SWAP70: variants seen among roughly 807,000 people sequenced by gnomAD.
The protein encoded by SWAP70 is switching B cell complex subunit SWAP70.
SWAP70 carries 34 observed loss-of-function variants against 80.2 expected under a neutral mutation model. The ratio of observed to expected loss-of-function variants is 0.42; its 90% CI spans 0.32 to 0.56. SWAP70 has a LOEUF of 0.56. Ranked by LOEUF, SWAP70 falls within the 20% of genes least tolerant of loss-of-function variation. The probability of loss-of-function intolerance (pLI) is 0.09; values close to 1 mark genes in which losing one functional copy is unlikely to be tolerated. For missense variants in SWAP70, 578 were observed against 690.7 expected (o/e 0.84, Z 1.83); for synonymous variants, 239 against 238.5 (o/e 1.00, Z -0.02).
chr11:9,740,163 A>T lies in SWAP70; in HGVS notation c.1189-18A>T, dbSNP rs1344872157. ...AGAAGTCAACCTGCATTTAAACAAGACCCTTTTATACCAACAGATCAGACA... is the reference window on the plus strand; with the variant it reads ...AGAAGTCAACCTGCATTTAAACAAGTCCCTTTTATACCAACAGATCAGACA... On this transcript the variant is annotated intron_variant, in intron 8 of 11. Coordinates refer to ENST00000318950, the MANE Select transcript of SWAP70 (RefSeq NM_015055.4). 1 of 1,608,482 alleles carries T rather than the reference A, an allele frequency of 6.2e-7. No individual in the cohort carries two copies. The highest frequency in any genetic ancestry group is 1.7e-5 in the Admixed American group (1 of 59,220).
chr11:9,724,599 CA>C, intron 3 of SWAP70, 58 bp from the exon 4 acceptor site: 1 of 1,286,734 alleles, frequency 7.8e-7, no homozygotes, highest in Non-Finnish European at 1.1e-6. Context: ...AACATAAATA[CA>C]TAACTATGTT....
rs1851565514 is a variant in SWAP70 at position 9,750,043 on chromosome 11, A to G, written c.*73A>G. Reference sequence around the variant, plus strand: ...GAGAGCTTTACGCTAAAGACAAAAGAAACAGCTTTGGGGGCCGGGCGTGGT... The same window carrying G: ...GAGAGCTTTACGCTAAAGACAAAAGGAACAGCTTTGGGGGCCGGGCGTGGT... On this transcript the variant is annotated 3_prime_UTR_variant, in exon 12 of 12. Transcript: ENST00000318950. 2 of 1,147,290 alleles carry G rather than the reference A, an allele frequency of 1.7e-6. No individual in the cohort carries two copies. The highest frequency in any genetic ancestry group is 2.6e-6 in the Non-Finnish European group (2 of 774,754). 71.1% of individuals were successfully genotyped at this position (1,147,290 alleles called of 1,614,324 possible). A position where few individuals can be genotyped will look rare whatever the true frequency, so the allele number is the denominator to read the frequency against.
chr11:9,704,183 C>CTA (rs1850869800), intron 2 of SWAP70, among the ~76,000 whole-genome samples: 1 of 152,020 alleles, frequency 6.6e-6, no homozygotes, highest in Non-Finnish European at 1.5e-5. Context: ...TGTTTACTGT[C>CTA]TATATAGAGA....
chr11:9,683,570 G>C (rs1040205700), intron 1 of SWAP70, among the ~76,000 whole-genome samples: 4 of 152,202 alleles, frequency 2.6e-5, no homozygotes, highest in Non-Finnish European at 5.9e-5. Flanking sequence ...GGTTCTCCAG[G>C]AAGCCAATGT....
At position 9,671,048 on chromosome 11, in the gene SWAP70, C is replaced by T. The variant is rs138343450; in HGVS notation, c.99+6770C>T. ...GAGTACAGGCGTGAGCCACCATGCC[C>T]GGCCTATTATTGTTTTTTATATATA... On this transcript the variant is annotated intron_variant, in intron 1 of 11. Transcript: ENST00000318950. Among the ~76,000 whole-genome samples the T allele has an allele frequency of 5.9e-3, 844 of 144,016 alleles. 11 individuals carry two copies. The highest frequency in any genetic ancestry group is 0.02 in the African/African-American group (778 of 39,112). The allele number at this position is 144,016 out of a possible 152,430, so 94.5% of individuals were successfully genotyped here. A position where few individuals can be genotyped will look rare whatever the true frequency, so the allele number is the denominator to read the frequency against.
At chr11:9,723,922 G>T (rs1219375861) in intron 3 of SWAP70, among the ~76,000 whole-genome samples, 1 of 152,014 alleles carries the variant, frequency 6.6e-6, no homozygotes, top group South Asian at 2.1e-4. Context: ...ACAGGTGTGC[G>T]CCACATGCCT....
chr11:9,675,826 G>A (rs569814047), intron 1 of SWAP70, among the ~76,000 whole-genome samples: 1 of 152,158 alleles, frequency 6.6e-6, no homozygotes, highest in East Asian at 1.9e-4. Flanking sequence ...AACTTGACTG[G>A]CTCCCCACCT....
intron 4 of SWAP70, among the ~76,000 whole-genome samples, chr11:9,725,552 TA>T (rs1564829445): frequency 1.1e-3 from 11 of 10,210 alleles, no homozygotes; most frequent in African/African-American, 2.7e-3. Context: ...TATATATATA[TA>T]TATATATATA....
chr11:9,733,916 C>T lies in SWAP70; in HGVS notation c.1080+1206C>T, dbSNP rs189323045. ...TACAAATAATCATACAGTGAATACC[C>T]ATGAAAATACTACCCAGGTTAAGAT... On this transcript the variant is annotated intron_variant, in intron 7 of 11. Transcript: ENST00000318950. 2.7e-3 allele frequency among the ~76,000 whole-genome samples: 414 copies of T among 152,248 alleles called. 2 individuals are homozygous for T. Among genetic ancestry groups the T allele is most frequent in the African/African-American group, 9.7e-3 (403 of 41,550 alleles).
chr11:9,668,136 G>A (rs184775797), intron 1 of SWAP70, among the ~76,000 whole-genome samples: 2 of 152,170 alleles, frequency 1.3e-5, no homozygotes, highest in African/African-American at 2.4e-5. Flanking sequence ...TGATCCACCC[G>A]CCTTGGCCTC....
intron 1 of SWAP70, among the ~76,000 whole-genome samples, chr11:9,689,672 T>A (rs1014085480): frequency 2.6e-5 from 4 of 152,220 alleles, no homozygotes; most frequent in Admixed American, 6.5e-5. Context: ...TCTTTTGTCT[T>A]AATCTGCTTT....
intron 1 of SWAP70, among the ~76,000 whole-genome samples, chr11:9,664,607 G>T (rs1850286939): frequency 6.6e-6 from 1 of 152,228 alleles, no homozygotes; most frequent in Non-Finnish European, 1.5e-5. Context: ...GGCAGAAAGT[G>T]GATTCTGAGG....
At chr11:9,723,848 C>T (rs1564828766) in intron 3 of SWAP70, among the ~76,000 whole-genome samples, 1 of 150,812 alleles carries the variant, frequency 6.6e-6, no homozygotes, top group African/African-American at 2.4e-5. Context: ...TCGCCGCTCA[C>T]TGCAACCTCT....
At chr11:9,736,063 G>T (rs1851359608) in intron 7 of SWAP70, among the ~76,000 whole-genome samples, 1 of 151,270 alleles carries the variant, frequency 6.6e-6, no homozygotes. Flanking sequence ...TTTATTTTCT[G>T]TTTTCCAGTT....
intron 1 of SWAP70, among the ~76,000 whole-genome samples, chr11:9,671,197 A>G (rs1193370266): frequency 7.9e-4 from 78 of 98,506 alleles, no homozygotes; most frequent in African/African-American, 3.1e-3. Flanking sequence ...TATATAAAAT[A>G]TATTTATAAA....
At chr11:9,720,940 C>A (rs1418434939) in intron 3 of SWAP70, among the ~76,000 whole-genome samples, 2 of 152,102 alleles carry the variant, frequency 1.3e-5, no homozygotes, top group Non-Finnish European at 2.9e-5. Flanking sequence ...CTCAGCCTCC[C>A]GAGTAGCTAG....
In SWAP70 at chr11:9,752,899, A is replaced by T. The variant is rs1564838495; in HGVS notation, c.*2929A>T. 4.6e-5 allele frequency: 7 copies of T among 151,660 alleles called. No homozygotes were observed. The highest frequency in any genetic ancestry group is 1.9e-4 in the East Asian group (1 of 5,194). The allele number at this position is 151,660 out of a possible 1,614,324, so 9.4% of individuals were successfully genotyped here. A position where few individuals can be genotyped will look rare whatever the true frequency, so the allele number is the denominator to read the frequency against. ...CTAAGATACATTAAAAATGTTTTAT[A>T]TTTTTTTTTAAGTAAAATGGACCCA... On this transcript the variant is annotated 3_prime_UTR_variant, in exon 12 of 12. Coordinates refer to ENST00000318950, the MANE Select transcript of SWAP70 (RefSeq NM_015055.4).
At chr11:9,673,874 CT>C in intron 1 of SWAP70, among the ~76,000 whole-genome samples, 1 of 152,082 alleles carries the variant, frequency 6.6e-6, no homozygotes. Context: ...GATTTGTTTT[CT>C]TTTTTCATTG....
At chr11:9,734,782 C>G (rs1368049866) in intron 7 of SWAP70, among the ~76,000 whole-genome samples, 4 of 151,660 alleles carry the variant, frequency 2.6e-5, no homozygotes, top group Admixed American at 1.3e-4. Flanking sequence ...ACCACCATAC[C>G]TGGCTAATTT....
Sources: allele counts gnomAD v4.1 joint callset (sites outside exome capture counted in the v4.1 genomes callset), GRCh38; gene constraint gnomAD v4.1.1; transcripts MANE v1.5; gene names NCBI Gene and HGNC (gene_info 2026-07-23, HGNC 2026-07-21).